Variants in MAGT1 observed in about 807,000 individuals in gnomAD.
MAGT1 encodes magnesium transporter 1.
In MAGT1, 4 loss-of-function variants were observed where a neutral mutation model predicts 28.4. That is an observed-to-expected ratio of 0.14 (90% confidence interval 0.07 to 0.32). MAGT1 has a LOEUF of 0.32. Among genes scored for constraint, MAGT1 ranks in the 10% least tolerant of loss-of-function variants. MAGT1 has a pLI of 1.00. For missense variants in MAGT1, 193 were observed against 264.5 expected (o/e 0.73, Z 1.88); for synonymous variants, 89 against 89.7 (o/e 0.99, Z 0.04).
rs2077038309 is a variant in MAGT1, at chrX:77,877,362, A to G, written c.103-1765T>C. 6.4e-5 allele frequency among the ~76,000 whole-genome samples: 7 copies of G among 109,665 alleles called. No homozygotes were observed. The South Asian group carries it at 2.7e-3, about 42-fold the overall frequency. ...CAAAATTAGCTGAGTATGGTGGCAC[A>G]TGCCTAAAATCCCAGCTGCTCAGAA... On this transcript the variant is annotated intron_variant, in intron 1 of 9. Coordinates refer to ENST00000618282, the MANE Select transcript of MAGT1 (RefSeq NM_001367916.1).
chrX:77,877,478 G>A (rs998129868), intron 1 of MAGT1, among the ~76,000 whole-genome samples: 10 of 107,453 alleles, frequency 9.3e-5, no homozygotes, highest in South Asian at 7.9e-4. Context: ...GTGACACAGC[G>A]AGACACTGTC....
chrX:77,871,821 G>A (rs1249795768), intron 2 of MAGT1, among the ~76,000 whole-genome samples: 4 of 109,562 alleles, frequency 3.7e-5, no homozygotes, highest in African/African-American at 9.9e-5. Context: ...CAGCCTGGGC[G>A]ACACAGCAAG....
chrX:77,878,879 C>G (rs2077043600), intron 1 of MAGT1, among the ~76,000 whole-genome samples: 1 of 109,896 alleles, frequency 9.1e-6, no homozygotes, highest in African/African-American at 3.3e-5. Flanking sequence ...CATTATTTGG[C>G]ATTTGTCCTA....
chrX:77,851,737 G>T (rs781801141), intron 7 of MAGT1, among the ~76,000 whole-genome samples: 3 of 110,391 alleles, frequency 2.7e-5, no homozygotes, highest in East Asian at 2.9e-4. Flanking sequence ...GGCTGGCCGC[G>T]AACTCCTGAC....
In MAGT1 at chrX:77,867,037, C is replaced by T. The variant is rs182811974; in HGVS notation, c.390+3771G>A. 2.1e-3 allele frequency among the ~76,000 whole-genome samples: 139 copies of T among 66,302 alleles called. 34 individuals are homozygous for T. The highest frequency in any genetic ancestry group is 0.012 in the South Asian group (18 of 1,460). 57.6% of individuals were successfully genotyped at this position (66,302 alleles called of 115,157 possible). On this transcript the variant is annotated intron_variant, in intron 3 of 9. Coordinates refer to ENST00000618282, the MANE Select transcript of MAGT1 (RefSeq NM_001367916.1). ...CACTGGCTTCCCCCCACCCACGAAG[C>T]TATCCTTAAAAACTCTGCACCCCGA...
chrX:77,871,243 A>G (rs1334372837), intron 2 of MAGT1, among the ~76,000 whole-genome samples: 2 of 112,508 alleles, frequency 1.8e-5, no homozygotes, highest in Non-Finnish European at 3.7e-5. Context: ...CGCCTCTACA[A>G]TAACTTTCCA....
At chrX:77,841,707 GCT>G (rs1737967680) in intron 7 of MAGT1, among the ~76,000 whole-genome samples, 1 of 105,643 alleles carries the variant, frequency 9.5e-6, no homozygotes, top group South Asian at 4.3e-4. Flanking sequence ...ACAGGGTCTG[GCT>G]CTGTCACCCA....
At chrX:77,881,090 T>G (rs1408742792) in intron 1 of MAGT1, among the ~76,000 whole-genome samples, 2 of 110,257 alleles carry the variant, frequency 1.8e-5, no homozygotes, top group African/African-American at 3.3e-5. Flanking sequence ...TAGAGAATAT[T>G]TGATTTAAAT....
At chrX:77,888,094 T>A (rs368289804) in intron 1 of MAGT1, among the ~76,000 whole-genome samples, 138 of 111,994 alleles carry the variant, frequency 1.2e-3, no homozygotes, top group African/African-American at 3.0e-3. Context: ...ACAGGCATGA[T>A]CGACTGTGCC....
chrX:77,880,158 C>T (rs897055926), intron 1 of MAGT1, among the ~76,000 whole-genome samples: 4 of 108,550 alleles, frequency 3.7e-5, no homozygotes, highest in Non-Finnish European at 7.6e-5. Context: ...TTTAAGCATA[C>T]CTGAATTCAT....
At chrX:77,864,870 C>A (rs2149021669) in intron 3 of MAGT1, among the ~76,000 whole-genome samples, 1 of 110,942 alleles carries the variant, frequency 9.0e-6, no homozygotes, top group African/African-American at 3.3e-5. Flanking sequence ...CGACACCACA[C>A]CTGGCTAATT....
chrX:77,833,692 T>C (rs782769339), intron 8 of MAGT1, among the ~76,000 whole-genome samples: 23 of 112,195 alleles, frequency 2.0e-4, no homozygotes, highest in African/African-American at 7.4e-4. Context: ...GAATGGATGT[T>C]GTTAAAATGT....
chrX:77,838,800 C>T (rs2076927026), intron 8 of MAGT1, among the ~76,000 whole-genome samples: 1 of 106,795 alleles, frequency 9.4e-6, no homozygotes, highest in Non-Finnish European at 1.9e-5. Flanking sequence ...AATAAAAGGG[C>T]TAAGACTCTA....
At chrX:77,865,854 T>C (rs1240984570) in intron 3 of MAGT1, among the ~76,000 whole-genome samples, 3 of 109,518 alleles carry the variant, frequency 2.7e-5, no homozygotes, top group African/African-American at 9.9e-5. Flanking sequence ...TCAACAGTGC[T>C]GACATACGAG....
chrX:77,858,954 A>C (rs2076988026), intron 3 of MAGT1, among the ~76,000 whole-genome samples: 1 of 112,027 alleles, frequency 8.9e-6, no homozygotes, highest in African/African-American at 3.2e-5. Flanking sequence ...TCACACTTGT[A>C]ATCCCAGCAC....
chrX:77,883,032 A>T (rs2077057078), intron 1 of MAGT1, among the ~76,000 whole-genome samples: 1 of 100,988 alleles, frequency 9.9e-6, no homozygotes, highest in Non-Finnish European at 2.0e-5. Flanking sequence ...TATATTTGTT[A>T]TTTATATATA....
At chrX:77,890,290 C>T (rs782242222) in intron 1 of MAGT1, among the ~76,000 whole-genome samples, 85 of 111,948 alleles carry the variant, frequency 7.6e-4, no homozygotes, top group African/African-American at 9.7e-4. Context: ...TTTCCAACTC[C>T]CTCCTTAAAT....
chrX:77,863,021 G>A (rs1014398003), intron 3 of MAGT1, among the ~76,000 whole-genome samples: 3 of 109,284 alleles, frequency 2.7e-5, no homozygotes, highest in African/African-American at 1.0e-4. Flanking sequence ...ACAAAAATTA[G>A]CTGGGTGTGG....
At chrX:77,874,295 T>A (rs112954997) in intron 2 of MAGT1, among the ~76,000 whole-genome samples, 3,722 of 95,567 alleles carry the variant, frequency 0.039, 79 homozygotes, top group African/African-American at 0.062. Flanking sequence ...ATCTTTTTTT[T>A]AAAAAAAAAA....
Sources: gnomAD v4.1 joint callset for allele counts (sites outside exome capture counted in the v4.1 genomes callset) on GRCh38, gnomAD v4.1.1 for gene constraint, MANE v1.5 for transcripts, NCBI Gene and HGNC (gene_info 2026-07-23, HGNC 2026-07-21) for gene names.